The following STXBP5 variants were observed in gnomAD, a reference collection of about 807,000 sequenced individuals.
STXBP5 encodes syntaxin-binding protein 5.
In STXBP5, 50 loss-of-function variants were observed where a neutral mutation model predicts 152.4. The observed-to-expected ratio is 0.33, with a 90% CI of 0.26 to 0.42. The LOEUF (loss-of-function observed/expected upper bound fraction) is 0.42. Ranked by LOEUF, STXBP5 falls within the 10% of genes least tolerant of loss-of-function variation. The probability of loss-of-function intolerance (pLI) is 1.00; values close to 1 mark genes in which losing one functional copy is unlikely to be tolerated. For missense variants in STXBP5, 1,167 were observed against 1,388.6 expected (o/e 0.84, Z 2.54); for synonymous variants, 492 against 494.7 (o/e 0.99, Z 0.07).
intron 9 of STXBP5, 88 bp downstream of exon 9, chr6:147,291,260 A>G (rs1781262708): frequency 3.9e-6 from 4 of 1,014,976 alleles, no homozygotes; most frequent in South Asian, 3.4e-5. Context: ...TTGAAGGCCT[A>G]TTTTAGAATA....
intron 18 of STXBP5, among the ~76,000 whole-genome samples, chr6:147,329,714 C>A (rs1401673015): frequency 6.7e-6 from 1 of 149,788 alleles, no homozygotes; most frequent in Non-Finnish European, 1.5e-5. Flanking sequence ...CAAGCTCCGC[C>A]TCCCGGGTTC....
At chr6:147,331,817 A>AAC (rs894304769) in intron 18 of STXBP5, among the ~76,000 whole-genome samples, 1 of 151,482 alleles carries the variant, frequency 6.6e-6, no homozygotes, top group African/African-American at 2.4e-5. Context: ...AAAAAAAAAA[A>AAC]AAAAAAAAAA....
chr6:147,314,322 T>C lies in STXBP5; in HGVS notation c.1352T>C (p.Ile451Thr). ...GLGAQSYPEIIITGHADGSVK... is the reference protein window; with the variant it reads ...GLGAQSYPEITITGHADGSVK... ...GGTGCTCAAAGTTACCCAGAAATAA[T>C]TATTACAGGGTAAGTAAAAGTCTGT... Residue 451 changes from isoleucine (I) to threonine (T), a missense_variant, in exon 13 of 28, where the codon ATT (isoleucine) becomes ACT (threonine). By Grantham distance (89) the Ile-to-Thr change is moderately conservative (BLOSUM62 -1). Around this residue, in one of 3 missense-constraint regions of STXBP5, gnomAD observed 833 missense variants for 986.3 expected, o/e 0.84. Transcript: ENST00000321680. 9 of 1,611,760 alleles carry C rather than the reference T, an allele frequency of 5.6e-6. No homozygotes were observed. The highest frequency in any genetic ancestry group is 7.6e-6 in the Non-Finnish European group (9 of 1,178,068).
rs774445038 is a variant in STXBP5, at chr6:147,204,509, CTGCGGGGG to C, written c.-23_-16del. On this transcript the variant is annotated 5_prime_UTR_variant, in exon 1 of 28. Transcript: ENST00000321680. This position sits in a 1 kb window ranked among gnomAD's most constrained non-coding sequence, Gnocchi z 4.3. ...GACCCCCTGTGCCTCCCCTCCCGGG[CTGCGGGGG>C]AGCCCCTCCGAGACCATGAGGAAAT... The C allele has an allele frequency of 1.3e-4, 206 of 1,609,198 alleles. No individual in the cohort carries two copies. The African/African-American group carries it at 2.5e-3, about 20-fold the overall frequency.
intron 9 of STXBP5, 77 bp downstream of exon 9, chr6:147,291,249 T>A (rs1781262170): frequency 2.5e-6 from 3 of 1,185,722 alleles, no homozygotes; most frequent in African/African-American, 1.5e-5. Context: ...TATCATTAAT[T>A]TTGAAGGCCT....
In STXBP5 at chr6:147,363,486, C is replaced by T. The variant is rs370958399; in HGVS notation, c.2697C>T (p.Val899=). Residue 899 remains valine, a synonymous_variant, in exon 24 of 28, where the codon GTC becomes GTT. Transcript: ENST00000321680. ...AGAAATTGAAAAAACGGCGGCCTGTCTCAGTATCCCCCTCCTCTTCTCAGG... is the reference window on the plus strand; with the variant it reads ...AGAAATTGAAAAAACGGCGGCCTGTTTCAGTATCCCCCTCCTCTTCTCAGG... ...EKEKLKKRRP[V]SVSPSSSQEI... The T allele has an allele frequency of 6.2e-7, 1 of 1,614,090 alleles. No individual in the cohort carries two copies. The highest frequency in any genetic ancestry group is 2.2e-5 in the East Asian group (1 of 44,846).
At chr6:147,273,195 T>TAAAAAAAAAAAAAAAAA (rs61153710) in intron 7 of STXBP5, among the ~76,000 whole-genome samples, 1 of 129,318 alleles carries the variant, frequency 7.7e-6, no homozygotes. Context: ...TCTAAAAAAG[T>TAAAAAAAAAAAAAAAAA]AAAAAAAAAA....
intron 21 of STXBP5, among the ~76,000 whole-genome samples, chr6:147,350,440 C>T (rs1250059173): frequency 1.3e-5 from 2 of 151,956 alleles, no homozygotes; most frequent in African/African-American, 4.8e-5. Context: ...GTTAAATAAA[C>T]GTTCCTAATT....
intron 2 of STXBP5, among the ~76,000 whole-genome samples, chr6:147,217,158 G>A (rs1361226043): frequency 3.3e-5 from 5 of 152,026 alleles, no homozygotes; most frequent in Non-Finnish European, 4.4e-5. Flanking sequence ...AGCTATTGCA[G>A]TACTTTCTGC....
At chr6:147,247,084 G>C (rs1254794855) in intron 4 of STXBP5, among the ~76,000 whole-genome samples, 1 of 152,132 alleles carries the variant, frequency 6.6e-6, no homozygotes, top group Admixed American at 6.5e-5. Context: ...CATAACCTTA[G>C]ACAGTTATAA....
At chr6:147,212,880 A>G (rs900773492) in intron 2 of STXBP5, among the ~76,000 whole-genome samples, 1 of 152,230 alleles carries the variant, frequency 6.6e-6, no homozygotes, top group Non-Finnish European at 1.5e-5. Context: ...TGTATAACAG[A>G]TAAGGTCTCA....
At chr6:147,295,853 A>T (rs1199401001) in intron 9 of STXBP5, among the ~76,000 whole-genome samples, 1 of 152,220 alleles carries the variant, frequency 6.6e-6, no homozygotes, top group Non-Finnish European at 1.5e-5. Context: ...CCAAGCTGCT[A>T]TAGTATGGTG....
At chr6:147,351,916 C>T (rs184918927) in intron 21 of STXBP5, 16 of 984,052 alleles carry the variant, frequency 1.6e-5, no homozygotes, top group Non-Finnish European at 1.8e-5. Flanking sequence ...TAAATATCTC[C>T]TAACAGTCCA....
chr6:147,342,706 T>C (rs1013736752), intron 21 of STXBP5, among the ~76,000 whole-genome samples: 1 of 152,140 alleles, frequency 6.6e-6, no homozygotes, highest in Non-Finnish European at 1.5e-5. Context: ...TTTGAAAGTA[T>C]AGAGTTTCAC....
chr6:147,204,983 C>G lies in STXBP5; in HGVS notation c.150+301C>G, dbSNP rs1776466659. Among the ~76,000 whole-genome samples the G allele has an allele frequency of 6.6e-6, 1 of 152,008 alleles. No individual in the cohort carries two copies. ...CGTATTCTGACACTGCCAGTAATAA[C>G]CTGGAAGCTTTTATATTCAAGCGTT... On this transcript the variant is annotated intron_variant, in intron 1 of 27. Transcript: ENST00000321680. The surrounding 1 kb of genome is among the most constrained non-coding windows in gnomAD (Gnocchi z 4.3).
At chr6:147,360,550 A>G (rs1785017983) in intron 23 of STXBP5, among the ~76,000 whole-genome samples, 1 of 152,206 alleles carries the variant, frequency 6.6e-6, no homozygotes, top group Non-Finnish European at 1.5e-5. Flanking sequence ...AAAAGTTACA[A>G]TAATGCATTC....
At chr6:147,336,562 A>C (rs1260352647) in intron 19 of STXBP5, among the ~76,000 whole-genome samples, 1 of 152,132 alleles carries the variant, frequency 6.6e-6, no homozygotes, top group Non-Finnish European at 1.5e-5. Context: ...CAAGGGGATC[A>C]TGTTTTAAAA....
chr6:147,372,382 T>C (rs1785581386), intron 25 of STXBP5, among the ~76,000 whole-genome samples: 1 of 138,256 alleles, frequency 7.2e-6, no homozygotes, highest in African/African-American at 2.6e-5. Flanking sequence ...AGAACTCCTA[T>C]ATAAATGTTA....
rs1213852406 is a variant in STXBP5 at position 147,386,354 on chromosome 6, A to G, written c.*1599A>G. 6.6e-6 allele frequency: 1 copy of G among 151,874 alleles called. No individual in the cohort carries two copies. Among genetic ancestry groups the G allele is most frequent in the African/African-American group, 2.4e-5 (1 of 41,420 alleles). 9.4% of individuals were successfully genotyped at this position (151,874 alleles called of 1,614,324 possible). A position where few individuals can be genotyped will look rare whatever the true frequency, so the allele number is the denominator to read the frequency against. Reference sequence around the variant, plus strand: ...TATTCTATATGATCATTAAAGGAATATGTAGGACATCTTAACTTTTTCATA... The same window carrying G: ...TATTCTATATGATCATTAAAGGAATGTGTAGGACATCTTAACTTTTTCATA... On this transcript the variant is annotated 3_prime_UTR_variant, in exon 28 of 28. Coordinates refer to ENST00000321680, the MANE Select transcript of STXBP5 (RefSeq NM_001127715.4).
Sources: allele counts gnomAD v4.1 joint callset (sites outside exome capture counted in the v4.1 genomes callset), GRCh38; gene constraint gnomAD v4.1.1; regional missense constraint gnomAD v4.1.1; non-coding constraint Gnocchi (gnomAD v3.1); transcripts MANE v1.5; gene names NCBI Gene and HGNC (gene_info 2026-07-23, HGNC 2026-07-21).